RP1L1: variants seen among roughly 807,000 people sequenced by gnomAD.
The protein encoded by RP1L1 is RP1 like 1.
In RP1L1, 27 loss-of-function variants were observed where a neutral mutation model predicts 15.7. The observed-to-expected ratio is 1.72, with a 90% confidence interval of 1.27 to 2.38. RP1L1 has a LOEUF of 2.38. Among genes scored for constraint, RP1L1 ranks in the 30% most tolerant of loss-of-function variants. The pLI, the probability that RP1L1 is intolerant of heterozygous loss-of-function variation, is 0.00. For missense variants in RP1L1, 4,798 were observed against 3,075.9 expected (o/e 1.56, Z -13.24); for synonymous variants, 1,813 against 1,276.7 (o/e 1.42, Z -8.96).
intron 1 of RP1L1, among the ~76,000 whole-genome samples, chr8:10,636,331 C>T (rs1184820770): frequency 2.0e-5 from 3 of 152,246 alleles, no homozygotes; most frequent in African/African-American, 7.2e-5. Context: ...AGGAGCCGGT[C>T]TGCAGGCGGC....
chr8:10,637,977 C>T, intron 1 of RP1L1, among the ~76,000 whole-genome samples: 1 of 152,188 alleles, frequency 6.6e-6, no homozygotes, highest in African/African-American at 2.4e-5. Flanking sequence ...GTCCCCTTTG[C>T]AACAAGAATA....
Position 10,655,111 on chromosome 8 carries a change from A to C in RP1L1, c.-233T>G, listed in dbSNP as rs1326257034. Reference sequence around the variant, plus strand: ...GCCCCAGTCCCTTGGGCAGGAGCCCAGCCTCCTGAGCTCCAACAGATGGTC... The same window carrying C: ...GCCCCAGTCCCTTGGGCAGGAGCCCCGCCTCCTGAGCTCCAACAGATGGTC... On this transcript the variant is annotated 5_prime_UTR_variant, in exon 1 of 4. Transcript: ENST00000382483. 6.5e-6 allele frequency: 1 copy of C among 152,676 alleles called. No homozygotes were observed. Among genetic ancestry groups the C allele is most frequent in the East Asian group, 1.9e-4 (1 of 5,202 alleles). The allele number at this position is 152,676 out of a possible 1,614,324, so 9.5% of individuals were successfully genotyped here.
At position 10,607,875 on chromosome 8, in the gene RP1L1, C is replaced by T. The variant is rs574695207; in HGVS notation, c.6223G>A (p.Glu2075Lys). The T allele has an allele frequency of 9.4e-6, 15 of 1,596,704 alleles. No individual in the cohort carries two copies. In the Admixed American group the frequency reaches 2.6e-4, roughly 27 times the overall value. ...QEAEGEVQEA[E>K]GEAHPESEDV... ...TCTGACTCTGGGTGGGCCTCCCCTT[C>T]TGCCTCCTGGACCTCCCCTTCAGCC... The change falls in exon 4 of 4, where the codon GAA becomes AAA. Residue 2075 changes from glutamate to lysine, a missense_variant. Glu to Lys is a moderately conservative substitution (Grantham distance 56). Coordinates refer to ENST00000382483, the MANE Select transcript of RP1L1 (RefSeq NM_178857.6).
At chr8:10,648,013 T>C (rs1318945858) in intron 1 of RP1L1, among the ~76,000 whole-genome samples, 1 of 151,980 alleles carries the variant, frequency 6.6e-6, no homozygotes, top group Non-Finnish European at 1.5e-5. Context: ...GTTGTTATTT[T>C]CTGGTTTCTC....
chr8:10,609,732 G>C lies in RP1L1; in HGVS notation c.4366C>G (p.His1456Asp), dbSNP rs1167004244. Reference sequence around the variant, plus strand: ...GCACTTGGGTCCGTCTCGCTGAGATGACTAGGGGGCTCTGTGGGTTCCTCT... The same window carrying C: ...GCACTTGGGTCCGTCTCGCTGAGATCACTAGGGGGCTCTGTGGGTTCCTCT... Reference protein sequence around the residue: ...GTEEPTEPPSHLSETDPSASE... With the variant: ...GTEEPTEPPSDLSETDPSASE... The change falls in exon 4 of 4, where the codon CAT becomes GAT. Residue 1456 changes from histidine (H) to aspartate (D), a missense_variant. Transcript: ENST00000382483. 6.2e-7 allele frequency: 1 copy of C among 1,613,434 alleles called. No individual in the cohort carries two copies.
intron 3 of RP1L1, among the ~76,000 whole-genome samples, chr8:10,615,560 T>A (rs555243822): frequency 6.6e-6 from 1 of 152,192 alleles, no homozygotes; most frequent in African/African-American, 2.4e-5. Context: ...TGAGGCAGGG[T>A]CTCTGTTGCC....
In RP1L1 at chr8:10,609,066, C is replaced by A. The variant is rs374478682; in HGVS notation, c.5032G>T (p.Ala1678Ser). The change falls in exon 4 of 4, where the codon GCA becomes TCA. Residue 1678 changes from alanine to serine, a missense_variant. Coordinates refer to ENST00000382483, the MANE Select transcript of RP1L1 (RefSeq NM_178857.6). ...GCCTCTTTGATGGGACCTCTGGTTGCCCCCATTGTGGCCTTGGGGGACATA... is the reference window on the plus strand; with the variant it reads ...GCCTCTTTGATGGGACCTCTGGTTGACCCCATTGTGGCCTTGGGGGACATA... The part of the protein sequence containing the change: ...SPMSPKATMG[A>S]TRGPIKEAFD... 2 of 1,613,820 alleles carry A rather than the reference C, an allele frequency of 1.2e-6. No individual in the cohort carries two copies. The highest frequency in any genetic ancestry group is 1.3e-5 in the African/African-American group (1 of 75,058).
chr8:10,610,898 C>G lies in RP1L1; in HGVS notation c.3200G>C (p.Gly1067Ala), dbSNP rs201393573. The G allele has an allele frequency of 6.4e-4, 1,036 of 1,610,434 alleles. 1 individual carries two copies. The highest frequency in any genetic ancestry group is 8.4e-4 in the Non-Finnish European group (987 of 1,178,758). The change falls in exon 4 of 4, where the codon GGC becomes GCC. Residue 1067 changes from glycine to alanine, a missense_variant. Transcript: ENST00000382483. ...EAGADREAPA[G>A]CRVSLRALPG... is the part of the protein sequence containing the mutation. ...AAGTGCCCGCAGGCTCACCCTGCAG[C>G]CTGCTGGGGCCTCTCTGTCTGCTCC... is the stretch of plus-strand genomic sequence containing the variant.
In RP1L1 at chr8:10,629,178, A is replaced by G. The variant is rs1411112987; in HGVS notation, c.-19-5958T>C. On this transcript the variant is annotated intron_variant, in intron 1 of 3. Coordinates refer to ENST00000382483, the MANE Select transcript of RP1L1 (RefSeq NM_178857.6). Reference sequence around the variant, plus strand: ...AGAAAGCTCTCTTGCCCAATCATGGAGCAAGTGCATGGAGGAAACATATAA... The same window carrying G: ...AGAAAGCTCTCTTGCCCAATCATGGGGCAAGTGCATGGAGGAAACATATAA... 3.3e-5 allele frequency among the ~76,000 whole-genome samples: 5 copies of G among 152,248 alleles called. No homozygotes were observed. The South Asian group carries it at 8.3e-4, about 25-fold the overall frequency.
intron 1 of RP1L1, among the ~76,000 whole-genome samples, chr8:10,639,891 C>A (rs552837697): frequency 6.6e-6 from 1 of 152,084 alleles, no homozygotes; most frequent in Non-Finnish European, 1.5e-5. Flanking sequence ...CATTATTTCC[C>A]TTTTTTCAGG....
At chr8:10,619,782 C>A (rs1382991695) in intron 2 of RP1L1, among the ~76,000 whole-genome samples, 4 of 151,572 alleles carry the variant, frequency 2.6e-5, no homozygotes, top group Non-Finnish European at 5.9e-5. Context: ...CAAAAAAAAC[C>A]CAAAACAAAC....
chr8:10,614,426 G>A (rs1012383533), intron 3 of RP1L1, among the ~76,000 whole-genome samples: 11 of 152,092 alleles, frequency 7.2e-5, no homozygotes, highest in African/African-American at 2.4e-4. Context: ...TTGGGAGGCC[G>A]AGGCAGGCGG....
At position 10,606,616 on chromosome 8, in the gene RP1L1, CAAAT is replaced by C. The variant is rs1227987649; in HGVS notation, c.*275_*278del. On this transcript the variant is annotated 3_prime_UTR_variant, in exon 4 of 4. Coordinates refer to ENST00000382483, the MANE Select transcript of RP1L1 (RefSeq NM_178857.6). ...AGTTCCATCTTTCGGGCTCTGCAGA[CAAAT>C]AAATAGGAGCCGGGCTGACCTCCGA... 2.1e-6 allele frequency: 1 copy of C among 484,936 alleles called. No homozygotes were observed. The highest frequency in any genetic ancestry group is 3.7e-6 in the Non-Finnish European group (1 of 273,316). The allele number at this position is 484,936 out of a possible 1,614,324, so 30.0% of individuals were successfully genotyped here.
chr8:10,625,672 T>C (rs1798145211), intron 1 of RP1L1, among the ~76,000 whole-genome samples: 1 of 152,274 alleles, frequency 6.6e-6, no homozygotes, highest in East Asian at 1.9e-4. Flanking sequence ...GTAGAATGCA[T>C]TGGAGGAGGC....
chr8:10,649,307 T>A (rs1481640302), intron 1 of RP1L1, among the ~76,000 whole-genome samples: 1 of 152,222 alleles, frequency 6.6e-6, no homozygotes, highest in East Asian at 1.9e-4. Flanking sequence ...CTCAGGCATG[T>A]GTCGGGAGCC....
At chr8:10,640,745 G>A (rs975526363) in intron 1 of RP1L1, among the ~76,000 whole-genome samples, 7 of 151,812 alleles carry the variant, frequency 4.6e-5, no homozygotes, top group African/African-American at 1.2e-4. Context: ...AATATTTTGT[G>A]CTATAATATT....
chr8:10,609,254 T>C lies in RP1L1; in HGVS notation c.4844A>G (p.Asn1615Ser). ...QRRHRLRGLR[N>S]LSAFSERTLG... Reference sequence around the variant, plus strand: ...GGTCCGCTCAGAGAAGGCCGAGAGGTTTCGCAGGCCCCGGAGACGGTGTCT... The same window carrying C: ...GGTCCGCTCAGAGAAGGCCGAGAGGCTTCGCAGGCCCCGGAGACGGTGTCT... The change falls in exon 4 of 4, where the codon AAC becomes AGC. Residue 1615 changes from asparagine to serine, a missense_variant. Transcript: ENST00000382483. The C allele has an allele frequency of 6.2e-7, 1 of 1,608,898 alleles. No individual in the cohort carries two copies. The highest frequency in any genetic ancestry group is 8.5e-7 in the Non-Finnish European group (1 of 1,179,686).
In RP1L1 at chr8:10,608,865, C is replaced by A; in HGVS notation, c.5233G>T (p.Asp1745Tyr). 1 of 1,614,064 alleles carries A rather than the reference C, an allele frequency of 6.2e-7. No homozygotes were observed. Among genetic ancestry groups the A allele is most frequent in the Non-Finnish European group, 8.5e-7 (1 of 1,180,048 alleles). ...SQGPGVDEGE[D>Y]GEGSQRLNRD... ...TTGAGTCTCTGGCTCCCCTCGCCAT[C>A]CTCACCCTCGTCCACTCCAGGCCCC... is the stretch of plus-strand genomic sequence containing the variant. Residue 1745 changes from aspartate to tyrosine, a missense_variant, in exon 4 of 4, where the codon GAT (aspartate) becomes TAT (tyrosine). By Grantham distance (160) the Asp-to-Tyr change is radical. Transcript: ENST00000382483.
In RP1L1 at chr8:10,607,839, CA is replaced by C. The variant is rs1797737797; in HGVS notation, c.6258del (p.Asp2086GlufsTer16). 1 of 1,587,212 alleles carries C rather than the reference CA, an allele frequency of 6.3e-7. No homozygotes were observed. On this transcript the variant is annotated frameshift_variant, in exon 4 of 4. Coordinates refer to ENST00000382483, the MANE Select transcript of RP1L1 (RefSeq NM_178857.6). LOFTEE classifies it low-confidence loss of function (END_TRUNC). Reference protein sequence around the residue: ...GEAHPESEDVDAQEAEGEAQP... With the variant: ...GEAHPESEDVXAQEAEGEAQP... ...TGGGCCTCCCCTTCTGCCTCCTGGG[CA>C]TCTACATCTTCTGACTCTGGGTGGG...
Sources: allele counts gnomAD v4.1 joint callset (sites outside exome capture counted in the v4.1 genomes callset), GRCh38; gene constraint gnomAD v4.1.1; transcripts MANE v1.5; gene names NCBI Gene and HGNC (gene_info 2026-07-23, HGNC 2026-07-21).